Variants in NEB observed in about 807,000 individuals in gnomAD.
NEB encodes the protein nebulin.
Under a neutral mutation model 952.2 loss-of-function variants are expected in NEB, and 512 were observed. The ratio of observed to expected loss-of-function variants is 0.54; its 90% CI spans 0.50 to 0.58. The LOEUF is 0.58. Among genes scored for constraint, NEB ranks in the 20% least tolerant of loss-of-function variants. The pLI is 0.00. For missense variants in NEB, 8,428 were observed against 9,231.1 expected (o/e 0.91, Z 3.56); for synonymous variants, 2,900 against 3,149.8 (o/e 0.92, Z 2.66).
In NEB at chr2:151,494,218, T is replaced by TG. The variant is rs1330332139; in HGVS notation, c.24521dup (p.Thr8175AsnfsTer6). 3 of 1,606,494 alleles carry TG rather than the reference T, an allele frequency of 1.9e-6. No homozygotes were observed. The South Asian group carries it at 3.4e-5, about 18-fold the overall frequency. ...TCTGCATCTCAGGAGTGACAGGGGT[T>TG]GCGGTGGCTTTCCCCACATTTTCTT... On this transcript the variant is annotated frameshift_variant, in exon 174 of 182. Coordinates refer to ENST00000397345, the MANE Select transcript of NEB (RefSeq NM_001164508.2). LOFTEE classifies it high-confidence loss of function.
rs144168709 is a variant in NEB, at chr2:151,551,817, C to T, written c.19865G>A (p.Ser6622Asn). The change falls in exon 129 of 182, where the codon AGT becomes AAT. Residue 6622 changes from serine to asparagine, a missense_variant. This residue lies in a region of NEB where 3,374 missense variants were observed against 3,651.5 expected (regional missense o/e 0.92). Transcript: ENST00000397345. ...DAVYHYDYVHSVRGKVAPTTK... is the reference protein window; with the variant it reads ...DAVYHYDYVHNVRGKVAPTTK... ...AGTTGGAGCCACTTTGCCTCTGACA[C>T]TGTGCACATAGTCATAGTGGTAGAC... 222 of 1,613,306 alleles carry T rather than the reference C, an allele frequency of 1.4e-4. No homozygotes were observed. Among genetic ancestry groups the T allele is most frequent in the Non-Finnish European group, 1.8e-4 (208 of 1,179,504 alleles).
intron 20 of NEB, among the ~76,000 whole-genome samples, chr2:151,693,913 C>A (rs12052828): frequency 0.32 from 47,865 of 151,924 alleles, 10,875 homozygotes; most frequent in African/African-American, 0.62. Context: ...TTTGCCCTTA[C>A]ATTAATTTCT....
chr2:151,572,507 T>TTATA (rs534894362), intron 107 of NEB, among the ~76,000 whole-genome samples: 2 of 145,216 alleles, frequency 1.4e-5, no homozygotes, highest in Middle Eastern at 3.6e-3. Context: ...TATTGAATAT[T>TTATA]TATATATATA....
rs2153653644 is a variant in NEB at position 151,552,666 on chromosome 2, A to G, written c.19836+6T>C. On this transcript the variant is annotated splice_donor_region_variant and intron_variant, in intron 128 of 181. Coordinates refer to ENST00000397345, the MANE Select transcript of NEB (RefSeq NM_001164508.2). ...TGTCCACTTAACTTCCCCAGTGATC[A>G]CTTACGTCACTTAGCTGTTTCCCAC... The G allele has an allele frequency of 6.2e-7, 1 of 1,603,372 alleles. No individual in the cohort carries two copies. Among genetic ancestry groups the G allele is most frequent in the Admixed American group, 1.7e-5 (1 of 59,818 alleles).
rs750721746 is a variant in NEB, at chr2:151,561,029, C to T, written c.19181G>A (p.Arg6394Lys). ...ACTGCTGTAAAGATTCTTCAGGTTT[C>T]TGGTTCTGTCATAATCCACTGTTTC... ...VLETVDYDRT[R>K]NLKNLYSSNL... The change falls in exon 123 of 182, where the codon AGA becomes AAA. Residue 6394 changes from arginine (R) to lysine (K), a missense_variant. Arg to Lys is a conservative substitution (Grantham distance 26). Coordinates refer to ENST00000397345, the MANE Select transcript of NEB (RefSeq NM_001164508.2). 1 of 1,608,226 alleles carries T rather than the reference C, an allele frequency of 6.2e-7. No homozygotes were observed.
intron 153 of NEB, chr2:151,520,067 C>T (rs2080895359): frequency 4.8e-6 from 1 of 208,176 alleles, no homozygotes; most frequent in Admixed American, 5.6e-5. Flanking sequence ...GAAAAGGCTT[C>T]AGGCTAAATT....
chr2:151,612,487 C>T (rs761712221), intron 77 of NEB, 98 bp from the exon 78 acceptor site: 9 of 1,184,238 alleles, frequency 7.6e-6, no homozygotes, highest in Non-Finnish European at 1.1e-5. Flanking sequence ...TAGTCTGAAT[C>T]TTATTTGTGT....
intron 40 of NEB, among the ~76,000 whole-genome samples, 175 bp downstream of exon 40, chr2:151,667,629 G>A (rs561445832): frequency 7.2e-5 from 11 of 152,100 alleles, no homozygotes; most frequent in African/African-American, 2.2e-4. Context: ...CTGGGTTAAA[G>A]AGATCCTCCC....
At chr2:151,490,597 A>C (rs1005937242) in intron 179 of NEB, 79 bp from the exon 180 acceptor site, 28 of 1,495,480 alleles carry the variant, frequency 1.9e-5, no homozygotes, top group Non-Finnish European at 2.4e-5. Context: ...ATTGAATCTC[A>C]GTTATTGTTA....
At chr2:151,493,722 T>C (rs1359742541) in intron 175 of NEB, 53 bp downstream of exon 175, 3 of 1,321,840 alleles carry the variant, frequency 2.3e-6, no homozygotes, top group African/African-American at 1.5e-5. Flanking sequence ...GGTACAACCA[T>C]GTTTGCCAGG....
chr2:151,570,120 A>G lies in NEB; in HGVS notation c.17391T>C (p.Asp5797=), dbSNP rs775083049. The change falls in exon 109 of 182, where the codon GAT becomes GAC. Residue 5797 remains aspartate, a synonymous_variant. Coordinates refer to ENST00000397345, the MANE Select transcript of NEB (RefSeq NM_001164508.2). ...CGTAGGCCTTCTTGGCCTGAATCAC[A>G]TCGTTCTGGTCGGGCATGCAGGTCC... ...HQWTCMPDQN[D]VIQAKKAYEL... is the part of the protein sequence containing the mutation. 5.6e-6 allele frequency: 9 copies of G among 1,612,624 alleles called. No homozygotes were observed. The Admixed American group carries it at 6.7e-5, about 12-fold the overall frequency.
chr2:151,593,559 C>T (rs1361908181), intron 93 of NEB, among the ~76,000 whole-genome samples: 1 of 106,278 alleles, frequency 9.4e-6, no homozygotes, highest in Non-Finnish European at 2.0e-5. Flanking sequence ...GTAATAACAT[C>T]AGTTGGATTT....
At chr2:151,707,220 TC>T (rs1227522676) in intron 12 of NEB, among the ~76,000 whole-genome samples, 1 of 152,194 alleles carries the variant, frequency 6.6e-6, no homozygotes, top group Non-Finnish European at 1.5e-5. Context: ...TTCAAAATTA[TC>T]CATAGGGTGT....
chr2:151,715,562 A>G (rs2099756861), intron 10 of NEB, among the ~76,000 whole-genome samples: 1 of 152,238 alleles, frequency 6.6e-6, no homozygotes, highest in African/African-American at 2.4e-5. Flanking sequence ...AAGAAGAGGA[A>G]GAAGAGGAAG....
In NEB at chr2:151,631,199, C is replaced by A; in HGVS notation, c.9562G>T (p.Val3188Leu). 6.2e-7 allele frequency: 1 copy of A among 1,613,928 alleles called. No homozygotes were observed. The highest frequency in any genetic ancestry group is 8.5e-7 in the Non-Finnish European group (1 of 1,179,866). ...QPPDKLKFTS[V>L]TDSLEQVLAK... The stretch of plus-strand genomic sequence containing the variant: ...AGCACCTGCTCTAGAGAATCAGTCA[C>A]ACTGGTAAATTTCAGCTTGTCCGGA... The change falls in exon 66 of 182, where the codon GTG becomes TTG. Residue 3188 changes from valine to leucine, a missense_variant. By Grantham distance (32) the Val-to-Leu change is conservative (BLOSUM62 1). Transcript: ENST00000397345.
intron 135 of NEB, among the ~76,000 whole-genome samples, chr2:151,542,456 C>A (rs2094189780): frequency 6.6e-6 from 1 of 152,128 alleles, no homozygotes; most frequent in African/African-American, 2.4e-5. Flanking sequence ...ATATATAATT[C>A]TTTATATTGC....
Position 151,631,233 on chromosome 2 carries a change from G to A in NEB, c.9528C>T (p.Tyr3176=), listed in dbSNP as rs2098660756. The A allele has an allele frequency of 6.2e-7, 1 of 1,613,918 alleles. No homozygotes were observed. The highest frequency in any genetic ancestry group is 1.3e-5 in the African/African-American group (1 of 74,998). ...RATEILSDNI[Y]RQPPDKLKFT... ...ATTTCAGCTTGTCCGGAGGCTGGCG[G>A]TAGATGTTATCACTCAGTATTTCGG... The change falls in exon 66 of 182, where the codon TAC becomes TAT. Residue 3176 remains tyrosine (Y), a synonymous_variant. Transcript: ENST00000397345.
intron 107 of NEB, among the ~76,000 whole-genome samples, chr2:151,575,147 T>C (rs1044603452): frequency 1.3e-5 from 2 of 152,212 alleles, no homozygotes; most frequent in African/African-American, 4.8e-5. Flanking sequence ...ATTGAAGTTT[T>C]GAAATAATCA....
At chr2:151,511,443 T>C (rs1376598294) in intron 161 of NEB, among the ~76,000 whole-genome samples, 1 of 152,194 alleles carries the variant, frequency 6.6e-6, no homozygotes, top group Non-Finnish European at 1.5e-5. Flanking sequence ...ACCTGATTGG[T>C]CATTAAGAGA....
Sources: allele counts gnomAD v4.1 joint callset (sites outside exome capture counted in the v4.1 genomes callset), GRCh38; gene constraint gnomAD v4.1.1; regional missense constraint gnomAD v4.1.1; transcripts MANE v1.5; gene names NCBI Gene and HGNC (gene_info 2026-07-23, HGNC 2026-07-21).